PDZRN3: variants seen among roughly 807,000 people sequenced by gnomAD.
PDZRN3 encodes PDZ domain containing ring finger 3.
Under a neutral mutation model 85.7 loss-of-function variants are expected in PDZRN3, and 38 were observed. The ratio of observed to expected loss-of-function variants is 0.44; its 90% CI spans 0.34 to 0.58. The LOEUF (loss-of-function observed/expected upper bound fraction) is 0.58, where lower values mean the gene tolerates loss of function less well. Among genes scored for constraint, PDZRN3 ranks in the 20% least tolerant of loss-of-function variants. The probability of loss-of-function intolerance (pLI) is 0.01; values close to 1 mark genes in which losing one functional copy is unlikely to be tolerated. For synonymous variants in PDZRN3, 759 were observed against 638.0 expected (o/e 1.19, Z -2.86); for missense variants, 1,629 against 1,506.4 (o/e 1.08, Z -1.35).
chr3:73,587,451 C>T (rs759875811), intron 3 of PDZRN3, among the ~76,000 whole-genome samples: 25 of 152,112 alleles, frequency 1.6e-4, no homozygotes, highest in Non-Finnish European at 3.7e-4. Context: ...TATGCTTAGG[C>T]CGCACGACGG....
In PDZRN3 at chr3:73,624,574, G is replaced by C; in HGVS notation, c.252C>G (p.Tyr84Ter). The change falls in exon 1 of 10, where the codon TAC (tyrosine) becomes TAG (stop). Residue 84 changes from tyrosine (Y) to a stop codon, truncating the protein, a stop_gained. Transcript: ENST00000263666. LOFTEE classifies it high-confidence loss of function. Reference protein sequence around the residue: ...LILKLDIKCAYATRGCGRVVK... With the variant: ...LILKLDIKCA ...CCACCCGGCCGCAGCCGCGCGTCGC[G>C]TACGCGCACTTGATGTCCAGCTTGA... 1 of 1,543,636 alleles carries C rather than the reference G, an allele frequency of 6.5e-7. No individual in the cohort carries two copies. The highest frequency in any genetic ancestry group is 2.0e-5 in the Admixed American group (1 of 51,278).
chr3:73,526,698 T>C (rs759913399), intron 3 of PDZRN3, among the ~76,000 whole-genome samples: 2 of 152,198 alleles, frequency 1.3e-5, no homozygotes, highest in Non-Finnish European at 2.9e-5. Context: ...GTTGTTGTTA[T>C]TGTTTTTTCC....
chr3:73,394,165 C>T lies in PDZRN3; in HGVS notation c.1255-3049G>A, dbSNP rs184673997. On this transcript the variant is annotated intron_variant, in intron 5 of 9. Transcript: ENST00000263666. ...TTTCATCTGAATCAAGAACCACTTA[C>T]GCTTCCTTCCTTACACACTTTTTAT... Among the ~76,000 whole-genome samples the T allele has an allele frequency of 1.7e-3, 260 of 152,270 alleles. 2 individuals carry two copies. Among genetic ancestry groups the T allele is most frequent in the Admixed American group, 3.6e-3 (55 of 15,302 alleles).
At chr3:73,426,791 G>A (rs1410476529) in intron 3 of PDZRN3, among the ~76,000 whole-genome samples, 3 of 152,094 alleles carry the variant, frequency 2.0e-5, no homozygotes, top group South Asian at 4.1e-4. Context: ...TAGCTCTGGG[G>A]CGGGGCCTGA....
At chr3:73,590,960 T>A (rs973689474) in intron 3 of PDZRN3, among the ~76,000 whole-genome samples, 2 of 152,206 alleles carry the variant, frequency 1.3e-5, no homozygotes, top group African/African-American at 4.8e-5. Context: ...GCAATTCCCA[T>A]GCCCCATCAG....
intron 5 of PDZRN3, among the ~76,000 whole-genome samples, chr3:73,392,639 A>G (rs906529412): frequency 6.6e-6 from 1 of 152,206 alleles, no homozygotes; most frequent in South Asian, 2.1e-4. Flanking sequence ...ACATGCAGGT[A>G]TGGTTACTTC....
At chr3:73,552,210 C>T (rs1428076566) in intron 3 of PDZRN3, among the ~76,000 whole-genome samples, 1 of 145,706 alleles carries the variant, frequency 6.9e-6, no homozygotes, top group Non-Finnish European at 1.5e-5. Context: ...TTAGGTTTCA[C>T]GTGGGAATTA....
At chr3:73,547,724 A>G (rs949522529) in intron 3 of PDZRN3, among the ~76,000 whole-genome samples, 2 of 152,220 alleles carry the variant, frequency 1.3e-5, no homozygotes. Flanking sequence ...TGGCTCCAGA[A>G]AAAGGGTAAA....
At chr3:73,617,197 G>A (rs995989402) in intron 1 of PDZRN3, among the ~76,000 whole-genome samples, 1 of 152,186 alleles carries the variant, frequency 6.6e-6, no homozygotes, top group South Asian at 2.1e-4. Context: ...GGGATGGGGT[G>A]GCTGCAAGGC....
At chr3:73,451,236 T>C (rs902669161) in intron 3 of PDZRN3, among the ~76,000 whole-genome samples, 3 of 152,246 alleles carry the variant, frequency 2.0e-5, no homozygotes, top group Admixed American at 2.0e-4. Flanking sequence ...TAATTAATGG[T>C]GTCTTTCAGG....
rs573107005 is a variant in PDZRN3 at position 73,469,159 on chromosome 3, C to T, written c.919-64764G>A. The stretch of plus-strand genomic sequence containing the variant: ...CACAATCTCGGCTCACTGCAACCTC[C>T]GCCTCCCGGGTTCAAGCAATTCTCT... On this transcript the variant is annotated intron_variant, in intron 3 of 9. Coordinates refer to ENST00000263666, the MANE Select transcript of PDZRN3 (RefSeq NM_015009.3). Among the ~76,000 whole-genome samples, 20 of 151,870 alleles carry T rather than the reference C, an allele frequency of 1.3e-4. No individual in the cohort carries two copies. The South Asian group carries it at 2.9e-3, about 22-fold the overall frequency.
chr3:73,509,440 A>C (rs1704124694), intron 3 of PDZRN3, among the ~76,000 whole-genome samples: 1 of 152,140 alleles, frequency 6.6e-6, no homozygotes, highest in African/African-American at 2.4e-5. Flanking sequence ...TAGGCTGATC[A>C]TTTCATCTCC....
chr3:73,428,844 A>G (rs1702372103), intron 3 of PDZRN3, among the ~76,000 whole-genome samples: 1 of 152,088 alleles, frequency 6.6e-6, no homozygotes, highest in Non-Finnish European at 1.5e-5. Context: ...TGCTGGCTCC[A>G]TATTCAATAA....
At chr3:73,454,433 C>T (rs1702937873) in intron 3 of PDZRN3, among the ~76,000 whole-genome samples, 1 of 152,194 alleles carries the variant, frequency 6.6e-6, no homozygotes, top group African/African-American at 2.4e-5. Context: ...TGTCTCCAGA[C>T]CACTCTCCTT....
intron 9 of PDZRN3, 60 bp downstream of exon 9, chr3:73,385,609 A>T: frequency 1.0e-6 from 1 of 990,898 alleles, no homozygotes; most frequent in Non-Finnish European, 1.6e-6. Context: ...GAGATGGAGG[A>T]AGCAGATTTT....
At chr3:73,564,598 C>T (rs138821885) in intron 3 of PDZRN3, among the ~76,000 whole-genome samples, 10 of 152,200 alleles carry the variant, frequency 6.6e-5, no homozygotes, top group African/African-American at 2.4e-4. Flanking sequence ...CTGGATGGTC[C>T]AATCCCTCTT....
At chr3:73,596,791 G>C (rs929596282) in intron 3 of PDZRN3, among the ~76,000 whole-genome samples, 1 of 152,202 alleles carries the variant, frequency 6.6e-6, no homozygotes, top group East Asian at 1.9e-4. Flanking sequence ...ACCCATGACA[G>C]TGGTTTTATT....
Position 73,510,221 on chromosome 3 carries a change from C to T in PDZRN3, c.918+92133G>A, listed in dbSNP as rs546147213. Among the ~76,000 whole-genome samples the T allele has an allele frequency of 2.6e-3, 391 of 152,314 alleles. 1 individual carries two copies. Among genetic ancestry groups the T allele is most frequent in the African/African-American group, 8.6e-3 (358 of 41,566 alleles). On this transcript the variant is annotated intron_variant, in intron 3 of 9. Transcript: ENST00000263666. Reference sequence around the variant, plus strand: ...GCTAACTCTGTCCATTTTTGTGTCACGTAATTCTTCAGCCAGAACTCAAGC... The same window carrying T: ...GCTAACTCTGTCCATTTTTGTGTCATGTAATTCTTCAGCCAGAACTCAAGC...
chr3:73,549,317 G>C (rs2106799911), intron 3 of PDZRN3, among the ~76,000 whole-genome samples: 1 of 152,254 alleles, frequency 6.6e-6, no homozygotes, highest in Admixed American at 6.5e-5. Context: ...GATAGAATAG[G>C]CTCTTTTCTT....
Sources: allele counts gnomAD v4.1 joint callset (sites outside exome capture counted in the v4.1 genomes callset), GRCh38; gene constraint gnomAD v4.1.1; transcripts MANE v1.5; gene names NCBI Gene and HGNC (gene_info 2026-07-23, HGNC 2026-07-21).